Variants in MAML2 observed in about 807,000 individuals in gnomAD.
MAML2 encodes the protein mastermind-like protein 2.
Under a neutral mutation model 96.1 loss-of-function variants are expected in MAML2, and 22 were observed. The ratio of observed to expected loss-of-function variants is 0.23; its 90% confidence interval spans 0.16 to 0.33. MAML2 has a LOEUF of 0.33. MAML2 is among the 10% of genes least tolerant of loss of function. The probability of loss-of-function intolerance (pLI) is 1.00; values close to 1 mark genes in which losing one functional copy is unlikely to be tolerated. For synonymous variants in MAML2, 561 were observed against 521.3 expected, an observed-to-expected ratio of 1.08 and a Z score of -1.04; for missense variants, 1,367 against 1,392.4, an observed-to-expected ratio of 0.98 and a Z score of 0.29.
intron 1 of MAML2, among the ~76,000 whole-genome samples, chr11:96,242,723 C>T (rs1260135892): frequency 1.3e-5 from 2 of 152,064 alleles, no homozygotes; most frequent in Non-Finnish European, 2.9e-5. Context: ...CTCTGGCACT[C>T]AAGCACTGAA....
chr11:96,317,663 G>C (rs1356724554), intron 1 of MAML2, among the ~76,000 whole-genome samples: 2 of 152,176 alleles, frequency 1.3e-5, no homozygotes, highest in Non-Finnish European at 2.9e-5. Context: ...AGGGCTGCAG[G>C]CTGCCCAGCT....
chr11:96,328,393 A>AGT (rs1230896858), intron 1 of MAML2, among the ~76,000 whole-genome samples: 17 of 152,138 alleles, frequency 1.1e-4, no homozygotes, highest in Admixed American at 1.1e-3. Flanking sequence ...AATGAAGCTG[A>AGT]GTGTGTCTAC....
At chr11:96,207,162 C>A (rs989405859) in intron 1 of MAML2, among the ~76,000 whole-genome samples, 2 of 152,156 alleles carry the variant, frequency 1.3e-5, no homozygotes, top group Non-Finnish European at 2.9e-5. Context: ...CTATTGTAAT[C>A]TGGAAATCTA....
At chr11:96,326,800 A>C (rs1009014360) in intron 1 of MAML2, among the ~76,000 whole-genome samples, 21 of 152,074 alleles carry the variant, frequency 1.4e-4, no homozygotes, top group Non-Finnish European at 1.6e-4. Context: ...CAAAACAAAA[A>C]AAAAACTATC....
chr11:96,037,400 C>T (rs1256880851), intron 2 of MAML2, among the ~76,000 whole-genome samples: 2 of 152,144 alleles, frequency 1.3e-5, no homozygotes, highest in African/African-American at 4.8e-5. Context: ...TATACACATG[C>T]ATTTCGAGAC....
chr11:96,010,139 A>G (rs2135726961), intron 2 of MAML2, among the ~76,000 whole-genome samples: 1 of 152,322 alleles, frequency 6.6e-6, no homozygotes, highest in South Asian at 2.1e-4. Flanking sequence ...ATATTACTCC[A>G]TCATAACTTC....
chr11:96,341,022 A>G (rs543035131), intron 1 of MAML2, among the ~76,000 whole-genome samples: 1 of 152,326 alleles, frequency 6.6e-6, no homozygotes, highest in South Asian at 2.1e-4. Flanking sequence ...GGGCCTAATC[A>G]GAGCTGGCTG....
rs149635190 is a variant in MAML2 at position 96,131,221 on chromosome 11, C to T, written c.514-37704G>A. Among the ~76,000 whole-genome samples, 44 of 151,882 alleles carry T rather than the reference C, an allele frequency of 2.9e-4. No homozygotes were observed. In the East Asian group the frequency reaches 4.4e-3, roughly 15 times the overall value. Reference sequence around the variant, plus strand: ...GCAAAGAATGACAAAAGGCTTAATCCACCTAGAAGACATAACAATTATAAA... The same window carrying T: ...GCAAAGAATGACAAAAGGCTTAATCTACCTAGAAGACATAACAATTATAAA... On this transcript the variant is annotated intron_variant, in intron 1 of 4. Coordinates refer to ENST00000524717, the MANE Select transcript of MAML2 (RefSeq NM_032427.4).
intron 1 of MAML2, among the ~76,000 whole-genome samples, chr11:96,147,287 T>A (rs1860836519): frequency 6.6e-6 from 1 of 152,230 alleles, no homozygotes. Context: ...TATATTTACA[T>A]GGCTTTAGAT....
intron 1 of MAML2, among the ~76,000 whole-genome samples, chr11:96,273,361 C>A (rs1862941814): frequency 1.3e-5 from 2 of 152,018 alleles, no homozygotes; most frequent in Non-Finnish European, 2.9e-5. Context: ...TTAAAAGGAA[C>A]ACAATTTACT....
chr11:96,328,552 C>T (rs1025234783), intron 1 of MAML2, among the ~76,000 whole-genome samples: 5 of 152,108 alleles, frequency 3.3e-5, no homozygotes, highest in African/African-American at 7.2e-5. Context: ...ACGCCACCCC[C>T]CAAGATCGTA....
intron 1 of MAML2, among the ~76,000 whole-genome samples, chr11:96,317,602 G>T (rs1863648918): frequency 6.6e-6 from 1 of 152,182 alleles, no homozygotes; most frequent in African/African-American, 2.4e-5. Flanking sequence ...CTTACTGCCA[G>T]TTTCTCTAAT....
chr11:96,051,312 G>A (rs1210077642), intron 2 of MAML2, among the ~76,000 whole-genome samples: 1 of 152,070 alleles, frequency 6.6e-6, no homozygotes, highest in East Asian at 1.9e-4. Context: ...TTGATCATTA[G>A]TAATACCAGT....
In MAML2 at chr11:96,257,581, C is replaced by A. The variant is rs191120573; in HGVS notation, c.513+83802G>T. ...ATTATAGAGTCCACAGTCTAACAGT[C>A]TTCATTATAGAGAAAAACCGAAAAA... On this transcript the variant is annotated intron_variant, in intron 1 of 4. Transcript: ENST00000524717. Among the ~76,000 whole-genome samples the A allele has an allele frequency of 2.5e-3, 374 of 152,270 alleles. 1 individual carries two copies. Among genetic ancestry groups the A allele is most frequent in the African/African-American group, 8.4e-3 (350 of 41,558 alleles).
intron 1 of MAML2, among the ~76,000 whole-genome samples, chr11:96,146,968 G>C (rs916135807): frequency 9.2e-5 from 14 of 152,128 alleles, no homozygotes; most frequent in African/African-American, 3.1e-4. Flanking sequence ...GATCTCCTGG[G>C]GATCATGAGA....
At chr11:96,267,985 A>G (rs900643331) in intron 1 of MAML2, among the ~76,000 whole-genome samples, 1 of 152,208 alleles carries the variant, frequency 6.6e-6, no homozygotes, top group Non-Finnish European at 1.5e-5. Flanking sequence ...ACAATTTGAA[A>G]TGTGATTTCA....
chr11:96,292,641 G>T (rs1382277597), intron 1 of MAML2, among the ~76,000 whole-genome samples: 3 of 152,104 alleles, frequency 2.0e-5, no homozygotes, highest in African/African-American at 7.2e-5. Context: ...TTTATCTGTT[G>T]TCCAAAACTC....
At chr11:96,231,126 T>C (rs1862287356) in intron 1 of MAML2, among the ~76,000 whole-genome samples, 1 of 152,206 alleles carries the variant, frequency 6.6e-6, no homozygotes, top group African/African-American at 2.4e-5. Context: ...GAAAAAATCA[T>C]ATATAGGGGG....
chr11:96,301,208 T>C (rs1289310179), intron 1 of MAML2, among the ~76,000 whole-genome samples: 1 of 152,172 alleles, frequency 6.6e-6, no homozygotes, highest in Non-Finnish European at 1.5e-5. Context: ...CACAGAGAAA[T>C]ACACCAGTCA....
Sources: gnomAD v4.1 joint callset for allele counts (sites outside exome capture counted in the v4.1 genomes callset) on GRCh38, gnomAD v4.1.1 for gene constraint, MANE v1.5 for transcripts, NCBI Gene and HGNC (gene_info 2026-07-23, HGNC 2026-07-21) for gene names.